DYNLRB2: variants seen among roughly 807,000 people sequenced by gnomAD.
The protein encoded by DYNLRB2 is dynein light chain roadblock-type 2.
Under a neutral mutation model 12.6 loss-of-function variants are expected in DYNLRB2, and 14 were observed. That is an observed-to-expected ratio of 1.11 (90% CI 0.73 to 1.73). The LOEUF is 1.73. DYNLRB2 is among the 40% of genes most tolerant of loss of function. The pLI, the probability that DYNLRB2 is intolerant of heterozygous loss-of-function variation, is 0.00. For synonymous variants in DYNLRB2, 53 were observed against 37.0 expected (o/e 1.43, Z -1.57); for missense variants, 142 against 117.7 (o/e 1.21, Z -0.95).
chr16:80,545,857 T>A (rs1597091391), intron 2 of DYNLRB2, among the ~76,000 whole-genome samples: 2 of 151,144 alleles, frequency 1.3e-5, no homozygotes, highest in South Asian at 4.2e-4. Context: ...TTGTTTTTTT[T>A]TTTTTAGTAG....
upstream of DYNLRB2, chr16:80,540,929 A>G (rs1371041185): frequency 2.7e-6 from 4 of 1,462,444 alleles, no homozygotes; most frequent in Admixed American, 3.9e-5. Flanking sequence ...GGTCAGGGCG[A>G]AAAAGCCGAC....
chr16:80,541,193 G>A (rs568288323), intron 1 of DYNLRB2, 114 bp downstream of exon 1: 108 of 1,461,448 alleles, frequency 7.4e-5, no homozygotes, highest in Admixed American at 2.7e-5. Flanking sequence ...GGGCCGCGGC[G>A]GAGGCTGGTG....
intron 2 of DYNLRB2, among the ~76,000 whole-genome samples, chr16:80,545,784 T>G (rs1904421763): frequency 6.8e-6 from 1 of 147,708 alleles, no homozygotes; most frequent in Non-Finnish European, 1.5e-5. Flanking sequence ...CACGCCATTC[T>G]CCTGCCTCAG....
At chr16:80,549,004 A>T (rs1904664801) in intron 2 of DYNLRB2, 1 of 455,914 alleles carries the variant, frequency 2.2e-6, no homozygotes, top group Admixed American at 2.4e-5. Flanking sequence ...TATAGACAAG[A>T]TGTTCAGGGG....
chr16:80,550,376 T>C (rs1904766669), intron 3 of DYNLRB2, 139 bp from the exon 4 acceptor site: 1 of 877,382 alleles, frequency 1.1e-6, no homozygotes, highest in African/African-American at 1.7e-5. Context: ...AACAGGTAAT[T>C]CATACGTGCA....
Position 80,550,708 on chromosome 16 carries a change from C to T in DYNLRB2, c.*150C>T, listed in dbSNP as rs1904792812. On this transcript the variant is annotated 3_prime_UTR_variant, in exon 4 of 4. Transcript: ENST00000305904. ...ACTGTTCTGCATGTCTCATTTAGTCCCTTTTGATTATATTGTGAAGTTGTA... is the reference window on the plus strand; with the variant it reads ...ACTGTTCTGCATGTCTCATTTAGTCTCTTTTGATTATATTGTGAAGTTGTA... The T allele has an allele frequency of 3.7e-6, 3 of 809,430 alleles. No homozygotes were observed. Among genetic ancestry groups the T allele is most frequent in the Admixed American group, 2.4e-5 (1 of 41,248 alleles). The allele number at this position is 809,430 out of a possible 1,614,324, so 50.1% of individuals were successfully genotyped here. A position where few individuals can be genotyped will look rare whatever the true frequency, so the allele number is the denominator to read the frequency against.
rs201988344 is a variant in DYNLRB2, at chr16:80,550,585, C to T, written c.*27C>T. 81 of 1,613,836 alleles carry T rather than the reference C, an allele frequency of 5.0e-5. No individual in the cohort carries two copies. The highest frequency in any genetic ancestry group is 1.2e-4 in the Admixed American group (7 of 60,014). ...CCTGCGATGGCCAAGGCTGTTTAAGCGACACTGGGTTGGAAACACTTGGCT... is the reference window on the plus strand; with the variant it reads ...CCTGCGATGGCCAAGGCTGTTTAAGTGACACTGGGTTGGAAACACTTGGCT... On this transcript the variant is annotated 3_prime_UTR_variant, in exon 4 of 4. Transcript: ENST00000305904.
intron 2 of DYNLRB2, chr16:80,547,645 C>G (rs953905548): frequency 5.1e-6 from 2 of 395,202 alleles, no homozygotes; most frequent in Non-Finnish European, 1.0e-5. Context: ...TCCTACTGAG[C>G]ATTGCACCCT....
Position 80,550,806 on chromosome 16 carries a change from T to C in DYNLRB2, c.*248T>C, listed in dbSNP as rs76319292. 5.1e-3 allele frequency: 2,635 copies of C among 514,494 alleles called. 12 individuals are homozygous for C. Among genetic ancestry groups the C allele is most frequent in the Non-Finnish European group, 6.2e-3 (1,800 of 291,556 alleles). 31.9% of individuals were successfully genotyped at this position (514,494 alleles called of 1,614,324 possible). On this transcript the variant is annotated 3_prime_UTR_variant, in exon 4 of 4. Coordinates refer to ENST00000305904, the MANE Select transcript of DYNLRB2 (RefSeq NM_130897.3). ...TTATAATACACAAAACCAAGGATTC[T>C]ACTAAGACAGCGCTCCTTGTGATAA...
chr16:80,543,658 A>G lies in DYNLRB2; in HGVS notation c.79+307A>G, dbSNP rs1007743256. Among the ~76,000 whole-genome samples the G allele has an allele frequency of 5.9e-5, 9 of 152,352 alleles. No individual in the cohort carries two copies. The South Asian group carries it at 8.3e-4, about 14-fold the overall frequency. ...CTTCCAACATTTCAGAAGTGCCAAT[A>G]AAACTATCATATAGAAGATAGGGAG... is the stretch of plus-strand genomic sequence containing the variant. On this transcript the variant is annotated intron_variant, in intron 2 of 3. Coordinates refer to ENST00000305904, the MANE Select transcript of DYNLRB2 (RefSeq NM_130897.3).
At chr16:80,545,114 G>C (rs1308414361) in intron 2 of DYNLRB2, among the ~76,000 whole-genome samples, 1 of 152,120 alleles carries the variant, frequency 6.6e-6, no homozygotes, top group Non-Finnish European at 1.5e-5. Flanking sequence ...CTCATCTAAT[G>C]TGATTCTTTG....
In DYNLRB2 at chr16:80,543,500, T is replaced by C. The variant is rs1046746702; in HGVS notation, c.79+149T>C. On this transcript the variant is annotated intron_variant, in intron 2 of 3. Coordinates refer to ENST00000305904, the MANE Select transcript of DYNLRB2 (RefSeq NM_130897.3). The stretch of plus-strand genomic sequence containing the variant: ...CTGGCATTCACTTACCAAACATCTA[T>C]TGAGTATCTGTTATATGCCAAACAC... 33 of 730,584 alleles carry C rather than the reference T, an allele frequency of 4.5e-5. No homozygotes were observed. In the African/African-American group the frequency reaches 5.5e-4, roughly 12 times the overall value. 45.3% of individuals were successfully genotyped at this position (730,584 alleles called of 1,614,324 possible).
chr16:80,544,692 C>A (rs559432159), intron 2 of DYNLRB2: 5 of 152,346 alleles, frequency 3.3e-5, no homozygotes, highest in South Asian at 4.1e-4. Flanking sequence ...GAAACGTATT[C>A]TCTTCCAGTT....
chr16:80,540,945 A>C, upstream of DYNLRB2: 1 of 1,522,730 alleles, frequency 6.6e-7, no homozygotes, highest in Non-Finnish European at 8.9e-7. Context: ...CCGACTCGCG[A>C]GCGCGCAGGC....
At chr16:80,548,511 TG>T (rs1904622792) in intron 2 of DYNLRB2, among the ~76,000 whole-genome samples, 2 of 152,154 alleles carry the variant, frequency 1.3e-5, no homozygotes, top group African/African-American at 4.8e-5. Context: ...GTGGATTACC[TG>T]AGGTCAGGAG....
chr16:80,548,541 G>A (rs1238235434), intron 2 of DYNLRB2, among the ~76,000 whole-genome samples: 2 of 152,140 alleles, frequency 1.3e-5, no homozygotes, highest in Admixed American at 6.5e-5. Flanking sequence ...AACCAACATG[G>A]TGAAACCCTG....
At chr16:80,546,838 A>G (rs755154863) in intron 2 of DYNLRB2, among the ~76,000 whole-genome samples, 6 of 152,212 alleles carry the variant, frequency 3.9e-5, no homozygotes, top group African/African-American at 7.2e-5. Flanking sequence ...TTGAAATACA[A>G]TCTATCAACC....
intron 2 of DYNLRB2, among the ~76,000 whole-genome samples, chr16:80,546,786 T>A (rs1289381711): frequency 6.6e-6 from 1 of 152,224 alleles, no homozygotes; most frequent in African/African-American, 2.4e-5. Flanking sequence ...ATCATTTGAG[T>A]TTCATTAGAT....
At chr16:80,549,422 A>G (rs1904693977) in intron 2 of DYNLRB2, 62 bp from the exon 3 acceptor site, 1 of 1,461,288 alleles carries the variant, frequency 6.8e-7, no homozygotes, top group Non-Finnish European at 9.2e-7. Context: ...CAATACTTCC[A>G]CACTGTACTT....
Sources: gnomAD v4.1 joint callset for allele counts (sites outside exome capture counted in the v4.1 genomes callset) on GRCh38, gnomAD v4.1.1 for gene constraint, MANE v1.5 for transcripts, NCBI Gene and HGNC (gene_info 2026-07-23, HGNC 2026-07-21) for gene names.